Variants in SDHC observed in about 807,000 individuals in gnomAD.
SDHC encodes succinate dehydrogenase complex subunit C, also known as succinate dehydrogenase cytochrome b560 subunit, mitochondrial.
Under a neutral mutation model 22.6 loss-of-function variants are expected in SDHC, and 11 were observed. The ratio of observed to expected loss-of-function variants is 0.49; its 90% confidence interval spans 0.31 to 0.81. SDHC has a LOEUF of 0.81. Among genes scored for constraint, SDHC ranks in the 30% least tolerant of loss-of-function variants. SDHC has a pLI of 0.05. For synonymous variants in SDHC, 80 were observed against 77.8 expected (o/e 1.03, Z -0.15); for missense variants, 160 against 212.0 (o/e 0.75, Z 1.52).
At chr1:161,337,149 A>G in intron 3 of SDHC, among the ~76,000 whole-genome samples, 1 of 150,472 alleles carries the variant, frequency 6.6e-6, no homozygotes, top group Admixed American at 6.7e-5. Context: ...CTAAAGTGCT[A>G]GGATTACAGG....
intron 1 of SDHC, among the ~76,000 whole-genome samples, chr1:161,323,206 G>A (rs1415693063): frequency 2.0e-5 from 3 of 151,926 alleles, no homozygotes; most frequent in African/African-American, 7.2e-5. Flanking sequence ...CACCGTGTTA[G>A]CCAGGATGGT....
chr1:161,358,691 C>T (rs545388633), intron 5 of SDHC, among the ~76,000 whole-genome samples: 2 of 151,912 alleles, frequency 1.3e-5, no homozygotes, highest in African/African-American at 2.4e-5. Flanking sequence ...TTTTGGGAGG[C>T]CGAGGCGGGC....
intron 1 of SDHC, among the ~76,000 whole-genome samples, chr1:161,320,320 T>A (rs1670795301): frequency 6.6e-6 from 1 of 152,176 alleles, no homozygotes; most frequent in African/African-American, 2.4e-5. Flanking sequence ...GTATACAAAT[T>A]ATTATTCATC....
rs1279020984 is a variant in SDHC at position 161,362,978 on chromosome 1, G to A, written c.*545G>A. ...GGAATTAGTCTGTCCCAGCTAGAGG[G>A]AGATAAAGAGGGCTAGTTAGTTCTT... On this transcript the variant is annotated 3_prime_UTR_variant, in exon 6 of 6. Transcript: ENST00000367975. The A allele has an allele frequency of 7.5e-6, 2 of 266,070 alleles. No homozygotes were observed. The highest frequency in any genetic ancestry group is 1.0e-4 in the East Asian group (2 of 19,404). 16.5% of individuals were successfully genotyped at this position (266,070 alleles called of 1,614,324 possible). A position where few individuals can be genotyped will look rare whatever the true frequency, so the allele number is the denominator to read the frequency against.
intron 4 of SDHC, among the ~76,000 whole-genome samples, chr1:161,341,752 A>G (rs1318415720): frequency 6.6e-6 from 1 of 152,200 alleles, no homozygotes; most frequent in Non-Finnish European, 1.5e-5. Flanking sequence ...AAACTAGATT[A>G]TGTTCCCTGG....
chr1:161,315,752 A>G (rs1201271895), intron 1 of SDHC, among the ~76,000 whole-genome samples: 2 of 152,114 alleles, frequency 1.3e-5, no homozygotes, highest in Non-Finnish European at 2.9e-5. Context: ...GTTTCTCGTT[A>G]GGTGGAACGA....
chr1:161,330,205 T>C (rs1478169745), intron 3 of SDHC, among the ~76,000 whole-genome samples: 1 of 152,240 alleles, frequency 6.6e-6, no homozygotes, highest in Non-Finnish European at 1.5e-5. Flanking sequence ...TTCAACCTAC[T>C]GTAGCCTCAT....
chr1:161,357,039 C>A (rs940401020), intron 5 of SDHC, among the ~76,000 whole-genome samples, 199 bp downstream of exon 5: 1 of 151,936 alleles, frequency 6.6e-6, no homozygotes, highest in Non-Finnish European at 1.5e-5. Context: ...CAAGAGATTC[C>A]TGTGCCTCAG....
intron 4 of SDHC, 67 bp downstream of exon 4, chr1:161,340,722 T>A: frequency 8.2e-7 from 1 of 1,217,874 alleles, no homozygotes; most frequent in Non-Finnish European, 1.2e-6. Context: ...TCATTGGCCC[T>A]AGTCTCCGCC....
At chr1:161,355,118 C>T (rs1672227156) in intron 4 of SDHC, among the ~76,000 whole-genome samples, 1 of 152,192 alleles carries the variant, frequency 6.6e-6, no homozygotes, top group Admixed American at 6.5e-5. Flanking sequence ...CCCTGTCAGA[C>T]ATTAAAATAT....
At chr1:161,326,280 A>G (rs1161592450) in intron 2 of SDHC, among the ~76,000 whole-genome samples, 1 of 151,858 alleles carries the variant, frequency 6.6e-6, no homozygotes, top group Non-Finnish European at 1.5e-5. Flanking sequence ...TAAAGTTGGT[A>G]TAAAAATAAG....
At chr1:161,329,837 G>C (rs772390738) in intron 3 of SDHC, among the ~76,000 whole-genome samples, 10 of 152,128 alleles carry the variant, frequency 6.6e-5, no homozygotes, top group Non-Finnish European at 1.5e-4. Flanking sequence ...CATTCCTTGG[G>C]TTATGGCATT....
chr1:161,348,635 A>G (rs1422232255), intron 4 of SDHC, among the ~76,000 whole-genome samples: 1 of 147,656 alleles, frequency 6.8e-6, no homozygotes, highest in Non-Finnish European at 1.5e-5. Flanking sequence ...AGCCTGGCCA[A>G]CATAGTGAAA....
intron 1 of SDHC, among the ~76,000 whole-genome samples, chr1:161,317,929 T>A (rs1256667860): frequency 6.6e-6 from 1 of 151,968 alleles, no homozygotes; most frequent in African/African-American, 2.4e-5. Flanking sequence ...ATCCCAGCAC[T>A]TTGGGAGGCT....
chr1:161,325,514 T>G (rs1340288210), intron 2 of SDHC, among the ~76,000 whole-genome samples: 1 of 151,916 alleles, frequency 6.6e-6, no homozygotes, highest in Non-Finnish European at 1.5e-5. Context: ...ACCCCTTCTC[T>G]ACAAAAAATA....
chr1:161,321,558 A>G (rs1161221160), intron 1 of SDHC, among the ~76,000 whole-genome samples: 1 of 152,198 alleles, frequency 6.6e-6, no homozygotes. Flanking sequence ...CAGAGTCACA[A>G]TTCAATTGAT....
At chr1:161,336,950 A>G (rs78794031) in intron 3 of SDHC, among the ~76,000 whole-genome samples, 17,785 of 151,732 alleles carry the variant, frequency 0.12, 1,417 homozygotes, top group African/African-American at 0.22. Context: ...GCTTGCTGCA[A>G]CCTCGACCTC....
rs532317918 is a variant in SDHC at position 161,339,662 on chromosome 1, GTTTTTTTT to G, written c.180-911_180-904del. On this transcript the variant is annotated intron_variant, in intron 3 of 5. Coordinates refer to ENST00000367975, the MANE Select transcript of SDHC (RefSeq NM_003001.5). ...TTTGTAACCTAATCCTGATACAGGTGTTTTTTTTTTTTTTTTTTTTTTTTTTTTGGAGA... is the reference window on the plus strand; with the variant it reads ...TTTGTAACCTAATCCTGATACAGGTGTTTTTTTTTTTTTTTTTTTTGGAGA... 5.9e-3 allele frequency: 305 copies of G among 51,658 alleles called. 4 individuals are homozygous for G. Among genetic ancestry groups the G allele is most frequent in the South Asian group, 0.017 (72 of 4,168 alleles). The allele number at this position is 51,658 out of a possible 1,614,324, so 3.2% of individuals were successfully genotyped here. A position where few individuals can be genotyped will look rare whatever the true frequency, so the allele number is the denominator to read the frequency against.
intron 1 of SDHC, 43 bp downstream of exon 1, chr1:161,314,468 G>T: frequency 6.2e-7 from 1 of 1,609,970 alleles, no homozygotes; most frequent in South Asian, 1.1e-5. Context: ...CGGCCCTCCG[G>T]AGATCTGAAC....
Sources: gnomAD v4.1 joint callset for allele counts (sites outside exome capture counted in the v4.1 genomes callset) on GRCh38, gnomAD v4.1.1 for gene constraint, MANE v1.5 for transcripts, NCBI Gene and HGNC (gene_info 2026-07-23, HGNC 2026-07-21) for gene names.